The following LSM12 variants were observed in gnomAD, a reference collection of about 807,000 sequenced individuals.
The protein encoded by LSM12 is protein LSM12.
For synonymous variants in LSM12, 74 were observed against 87.3 expected, an observed-to-expected ratio of 0.85 and a Z score of 0.85; for missense variants, 108 against 238.9, an observed-to-expected ratio of 0.45 and a Z score of 3.61.
At chr17:44,061,249 G>GGAGGTTGCGGTGAGCC (rs1242293485) in intron 2 of LSM12, among the ~76,000 whole-genome samples, 2 of 151,168 alleles carry the variant, frequency 1.3e-5, no homozygotes, top group East Asian at 1.9e-4. Context: ...CCCGGGAGGC[G>GGAGGTTGCGGTGAGCC]GAGGTTGCGG....
chr17:44,056,447 A>G (rs1395334604), intron 2 of LSM12, among the ~76,000 whole-genome samples: 1 of 151,968 alleles, frequency 6.6e-6, no homozygotes, highest in African/African-American at 2.4e-5. Context: ...CTACTCCCCA[A>G]CTGACAAAAA....
In LSM12 at chr17:44,046,126, A is replaced by G. The variant is rs1253388941; in HGVS notation, c.259-5870T>C. Reference sequence around the variant, plus strand: ...TAATTTTTGTATTTTTAGTAGAGACAGGGTTTCACCCTGTTAGCCAGGATG... The same window carrying G: ...TAATTTTTGTATTTTTAGTAGAGACGGGGTTTCACCCTGTTAGCCAGGATG... On this transcript the variant is annotated intron_variant, in intron 2 of 4. Coordinates refer to ENST00000293406, the MANE Select transcript of LSM12 (RefSeq NM_001371445.1). Among the ~76,000 whole-genome samples the G allele has an allele frequency of 5.3e-5, 8 of 150,932 alleles. No homozygotes were observed. In the East Asian group the frequency reaches 8.1e-4, roughly 15 times the overall value.
chr17:44,066,776 A>G (rs2144123203), upstream of LSM12: 3 of 689,908 alleles, frequency 4.3e-6, no homozygotes, highest in East Asian at 8.4e-5. Context: ...GGGAATCTGA[A>G]AAGTATTTGT....
chr17:44,039,141 A>AC (rs1319503498), intron 3 of LSM12, among the ~76,000 whole-genome samples: 1 of 151,758 alleles, frequency 6.6e-6, no homozygotes, highest in Non-Finnish European at 1.5e-5. Context: ...CACAACCTCC[A>AC]CCTCCAGGGT....
At chr17:44,058,251 A>AAAT (rs202053481) in intron 2 of LSM12, among the ~76,000 whole-genome samples, 96 of 150,706 alleles carry the variant, frequency 6.4e-4, no homozygotes, top group East Asian at 2.1e-3. Context: ...AAAAAATAAT[A>AAAT]AATAATAATA....
Position 44,066,651 on chromosome 17 carries a change from T to G in LSM12, c.-64A>C. On this transcript the variant is annotated 5_prime_UTR_variant, in exon 1 of 5. Coordinates refer to ENST00000293406, the MANE Select transcript of LSM12 (RefSeq NM_001371445.1). ...CAGCGGGCGAAAGCCGGGCCCCCAG[T>G]GAGCGCCGCGACGCGACGGCGCGCA... is the stretch of plus-strand genomic sequence containing the variant. 7.8e-7 allele frequency: 1 copy of G among 1,276,048 alleles called. No homozygotes were observed. Among genetic ancestry groups the G allele is most frequent in the Non-Finnish European group, 9.9e-7 (1 of 1,007,614 alleles). The allele number at this position is 1,276,048 out of a possible 1,614,324, so 79.0% of individuals were successfully genotyped here.
At chr17:44,062,260 C>T (rs1270525745) in intron 2 of LSM12, among the ~76,000 whole-genome samples, 1 of 146,228 alleles carries the variant, frequency 6.8e-6, no homozygotes, top group Non-Finnish European at 1.5e-5. Context: ...AATAGGGTAA[C>T]CTAATCTATA....
chr17:44,051,056 G>A (rs1392726528), intron 2 of LSM12, among the ~76,000 whole-genome samples: 3 of 151,896 alleles, frequency 2.0e-5, no homozygotes, highest in Non-Finnish European at 2.9e-5. Context: ...GGCGGATCAC[G>A]AGGTCAAGAG....
intron 2 of LSM12, among the ~76,000 whole-genome samples, chr17:44,051,131 G>A (rs1206870294): frequency 6.6e-6 from 1 of 151,986 alleles, no homozygotes; most frequent in Non-Finnish European, 1.5e-5. Flanking sequence ...AATTGGCTGG[G>A]AGTGGTGGCT....
At position 44,066,621 on chromosome 17, in the gene LSM12, G is replaced by T. The variant is rs1290206583; in HGVS notation, c.-34C>A. ...TGCAGCCGCGGCCGGCGGCGGCGGCGGCAGCAGCGGGCGAAAGCCGGGCCC... is the reference window on the plus strand; with the variant it reads ...TGCAGCCGCGGCCGGCGGCGGCGGCTGCAGCAGCGGGCGAAAGCCGGGCCC... On this transcript the variant is annotated 5_prime_UTR_variant, in exon 1 of 5. Coordinates refer to ENST00000293406, the MANE Select transcript of LSM12 (RefSeq NM_001371445.1). 3.1e-6 allele frequency: 4 copies of T among 1,310,546 alleles called. No individual in the cohort carries two copies. Among genetic ancestry groups the T allele is most frequent in the Non-Finnish European group, 2.9e-6 (3 of 1,026,294 alleles). The allele number at this position is 1,310,546 out of a possible 1,614,324, so 81.2% of individuals were successfully genotyped here. A position where few individuals can be genotyped will look rare whatever the true frequency, so the allele number is the denominator to read the frequency against.
At position 44,035,677 on chromosome 17, in the gene LSM12, C is replaced by CAAAAAAAAA. The variant is rs71160079; in HGVS notation, c.*522_*530dup. On this transcript the variant is annotated 3_prime_UTR_variant, in exon 5 of 5. Transcript: ENST00000293406. ...AAACTAATTCAAGCCATGCCCTGTG[C>CAAAAAAAAA]AAAAAAAAAAAAAAAAAGAAAAAAG... 1.0e-4 allele frequency: 6 copies of CAAAAAAAAA among 57,860 alleles called. No individual in the cohort carries two copies. Among genetic ancestry groups the CAAAAAAAAA allele is most frequent in the Admixed American group, 2.3e-4 (1 of 4,268 alleles). 3.6% of individuals were successfully genotyped at this position (57,860 alleles called of 1,614,324 possible). A position where few individuals can be genotyped will look rare whatever the true frequency, so the allele number is the denominator to read the frequency against.
At chr17:44,058,916 T>C (rs1402594459) in intron 2 of LSM12, among the ~76,000 whole-genome samples, 3 of 151,816 alleles carry the variant, frequency 2.0e-5, no homozygotes, top group African/African-American at 7.3e-5. Flanking sequence ...GAAAGATCAC[T>C]TGAGCGAACC....
Position 44,066,621 on chromosome 17 carries a change from G to GGCA in LSM12, c.-37_-35dup, listed in dbSNP as rs991603942. The GGCA allele has an allele frequency of 4.1e-5, 54 of 1,310,546 alleles. No individual in the cohort carries two copies. The highest frequency in any genetic ancestry group is 1.3e-4 in the East Asian group (4 of 31,416). The allele number at this position is 1,310,546 out of a possible 1,614,324, so 81.2% of individuals were successfully genotyped here. The stretch of plus-strand genomic sequence containing the variant: ...TGCAGCCGCGGCCGGCGGCGGCGGC[G>GGCA]GCAGCAGCGGGCGAAAGCCGGGCCC... On this transcript the variant is annotated 5_prime_UTR_variant, in exon 1 of 5. Transcript: ENST00000293406.
At chr17:44,036,699 AAGC>A (rs1477255827) in intron 4 of LSM12, among the ~76,000 whole-genome samples, 1 of 151,988 alleles carries the variant, frequency 6.6e-6, no homozygotes, top group Non-Finnish European at 1.5e-5. Flanking sequence ...GAAAAAAAAA[AAGC>A]AGGAGTGTTT....
At chr17:44,059,618 C>A (rs564792834) in intron 2 of LSM12, among the ~76,000 whole-genome samples, 1 of 152,262 alleles carries the variant, frequency 6.6e-6, no homozygotes, top group African/African-American at 2.4e-5. Context: ...CATGCTACTG[C>A]TGGAGATAGA....
At chr17:44,052,166 G>T (rs1409124358) in intron 2 of LSM12, among the ~76,000 whole-genome samples, 1 of 151,650 alleles carries the variant, frequency 6.6e-6, no homozygotes, top group Non-Finnish European at 1.5e-5. Context: ...AGCCAAGGAG[G>T]TCGAGGCTGC....
At chr17:44,056,748 A>G (rs1378965660) in intron 2 of LSM12, among the ~76,000 whole-genome samples, 1 of 152,152 alleles carries the variant, frequency 6.6e-6, no homozygotes, top group Admixed American at 6.5e-5. Context: ...CTGTAATCCC[A>G]GCACTTTGGG....
intron 2 of LSM12, among the ~76,000 whole-genome samples, chr17:44,042,626 G>T (rs562107239): frequency 2.9e-5 from 2 of 69,726 alleles, no homozygotes; most frequent in Non-Finnish European, 6.0e-5. Context: ...GTGCAGTGGC[G>T]CAAGCTCTGC....
chr17:44,050,080 C>T (rs1233706284), intron 2 of LSM12, among the ~76,000 whole-genome samples: 1 of 152,102 alleles, frequency 6.6e-6, no homozygotes, highest in East Asian at 1.9e-4. Flanking sequence ...GGGGTAGGCT[C>T]TTGGAAAGCC....
Sources: gnomAD v4.1 joint callset for allele counts (sites outside exome capture counted in the v4.1 genomes callset) on GRCh38, gnomAD v4.1.1 for gene constraint, MANE v1.5 for transcripts, NCBI Gene and HGNC (gene_info 2026-07-23, HGNC 2026-07-21) for gene names.